The following SV2C variants were observed in gnomAD, a reference collection of about 807,000 sequenced individuals.
SV2C encodes the protein synaptic vesicle glycoprotein 2C.
A neutral mutation model predicts 79.7 loss-of-function variants in SV2C; 49 were observed. The ratio of observed to expected loss-of-function variants is 0.61; its 90% CI spans 0.49 to 0.78. The LOEUF is 0.78. Ranked by LOEUF, SV2C falls within the 30% of genes least tolerant of loss-of-function variation. SV2C has a pLI of 0.00. For synonymous variants in SV2C, 334 were observed against 333.2 expected, an observed-to-expected ratio of 1.00 and a Z score of -0.03; for missense variants, 833 against 912.9, an observed-to-expected ratio of 0.91 and a Z score of 1.13.
chr5:76,315,507 T>C (rs1452269358), intron 12 of SV2C, among the ~76,000 whole-genome samples: 1 of 152,148 alleles, frequency 6.6e-6, no homozygotes, highest in African/African-American at 2.4e-5. Flanking sequence ...GAGGTGGTGC[T>C]GAGTGACTAC....
the SV2C span, among the ~76,000 whole-genome samples, chr5:75,926,660 T>C: frequency 6.6e-6 from 1 of 152,122 alleles, no homozygotes; most frequent in South Asian, 2.1e-4. Flanking sequence ...TAACCAGATA[T>C]TGCTGACAAA....
chr5:75,881,610 G>T, the SV2C span, among the ~76,000 whole-genome samples: 7 of 151,996 alleles, frequency 4.6e-5, no homozygotes, highest in African/African-American at 7.2e-5. Context: ...TCTGTTGTTG[G>T]TGTATAAGAA....
intron 12 of SV2C, among the ~76,000 whole-genome samples, chr5:76,348,286 G>A (rs1749580369): frequency 6.6e-6 from 1 of 152,004 alleles, no homozygotes; most frequent in Admixed American, 6.6e-5. Flanking sequence ...TTTTAGCACT[G>A]AATAGCATTC....
chr5:76,157,369 A>G (rs995738120), intron 2 of SV2C, among the ~76,000 whole-genome samples: 1 of 152,072 alleles, frequency 6.6e-6, no homozygotes, highest in Non-Finnish European at 1.5e-5. Context: ...ACAAAAACAG[A>G]AATAATTTGT....
In SV2C at chr5:76,317,386, T is replaced by C. The variant is rs59692738; in HGVS notation, c.2001-7978T>C. Among the ~76,000 whole-genome samples, 1,491 of 152,140 alleles carry C rather than the reference T, an allele frequency of 9.8e-3. 29 individuals are homozygous for C. Among genetic ancestry groups the C allele is most frequent in the African/African-American group, 0.034 (1,411 of 41,464 alleles). ...TTCTACCAATTATTTAACTGAGTTG[T>C]CCAGAAAAAGCTTATTTCCAAAAAT... On this transcript the variant is annotated intron_variant, in intron 12 of 12. Transcript: ENST00000502798.
chr5:75,903,575 A>G, the SV2C span, among the ~76,000 whole-genome samples: 3 of 152,124 alleles, frequency 2.0e-5, no homozygotes, highest in Non-Finnish European at 4.4e-5. Context: ...CTGAAGCCTA[A>G]CTGTATTAAA....
At chr5:76,149,329 C>A (rs1360452853) in intron 2 of SV2C, among the ~76,000 whole-genome samples, 1 of 152,188 alleles carries the variant, frequency 6.6e-6, no homozygotes, top group Non-Finnish European at 1.5e-5. Flanking sequence ...CAGTGCCCCC[C>A]AGACATCATG....
chr5:76,286,772 CCTT>C (rs1008431039), intron 6 of SV2C: 1 of 152,170 alleles, frequency 6.6e-6, no homozygotes, highest in African/African-American at 2.4e-5. Context: ...GCAAACACGT[CCTT>C]CTTCACATGG....
chr5:76,007,459 G>A, the SV2C span, among the ~76,000 whole-genome samples: 1 of 151,988 alleles, frequency 6.6e-6, no homozygotes, highest in African/African-American at 2.4e-5. Context: ...TGAAATAATA[G>A]GTAAAAGTTT....
intron 1 of SV2C, among the ~76,000 whole-genome samples, chr5:76,108,624 C>T (rs936929085): frequency 2.0e-5 from 3 of 152,114 alleles, no homozygotes; most frequent in African/African-American, 7.2e-5. Flanking sequence ...CGTATTCCAT[C>T]GAGGCCAAAA....
chr5:76,344,431 GGGTGC>G, intron 12 of SV2C, among the ~76,000 whole-genome samples: 1 of 152,334 alleles, frequency 6.6e-6, no homozygotes, highest in East Asian at 1.9e-4. Context: ...ATTTTAGGCC[GGGTGC>G]GGTGGCTCAC....
intron 2 of SV2C, among the ~76,000 whole-genome samples, chr5:76,182,959 CAGAGAG>C (rs58651320): frequency 5.0e-5 from 7 of 141,246 alleles, no homozygotes; most frequent in Admixed American, 7.2e-5. Context: ...GAGAGAGAGA[CAGAGAG>C]AGAGAGAGAG....
At chr5:76,179,638 G>A (rs1259145126) in intron 2 of SV2C, among the ~76,000 whole-genome samples, 3 of 152,146 alleles carry the variant, frequency 2.0e-5, no homozygotes, top group Admixed American at 6.5e-5. Context: ...AGGAGCCCTC[G>A]TGTGATGCTT....
chr5:76,250,423 A>T (rs532168865), intron 4 of SV2C, among the ~76,000 whole-genome samples: 1 of 152,198 alleles, frequency 6.6e-6, no homozygotes, highest in South Asian at 2.1e-4. Flanking sequence ...TGTTGCTGTC[A>T]TTTCACGTTG....
rs931954368 is a variant in SV2C at position 76,168,269 on chromosome 5, C to T, written c.581-26650C>T. Among the ~76,000 whole-genome samples the T allele has an allele frequency of 1.6e-4, 24 of 152,104 alleles. 1 individual carries two copies. The highest frequency in any genetic ancestry group is 5.8e-4 in the African/African-American group (24 of 41,416). On this transcript the variant is annotated intron_variant, in intron 2 of 12. Transcript: ENST00000502798. ...TTCTGCCAGTGCAGCCTTCACTGGC[C>T]TTCCCCGACCTCTGGGACTGAACCC...
At chr5:76,112,472 A>G (rs540226235) in intron 1 of SV2C, among the ~76,000 whole-genome samples, 1 of 152,330 alleles carries the variant, frequency 6.6e-6, no homozygotes, top group East Asian at 1.9e-4. Flanking sequence ...GAGAGGAGGC[A>G]GGCGAGGCCT....
At chr5:76,160,586 C>T (rs13184915) in intron 2 of SV2C, among the ~76,000 whole-genome samples, 15,914 of 152,078 alleles carry the variant, frequency 0.1, 950 homozygotes, top group Non-Finnish European at 0.13. Flanking sequence ...CAAAGCACAC[C>T]GTCTAGAAAG....
chr5:76,147,066 A>C (rs1270709500), intron 2 of SV2C, among the ~76,000 whole-genome samples: 3 of 152,068 alleles, frequency 2.0e-5, no homozygotes, highest in Non-Finnish European at 4.4e-5. Flanking sequence ...GGAGAGGGGA[A>C]TGGGAAGGTA....
At chr5:75,904,369 AAAAACAAAAC>A in the SV2C span, among the ~76,000 whole-genome samples, 3 of 149,036 alleles carry the variant, frequency 2.0e-5, no homozygotes, top group Non-Finnish European at 2.9e-5. Context: ...CAGTCCTCAA[AAAAACAAAAC>A]AAAACAAAAC....
Sources: gnomAD v4.1 joint callset for allele counts (sites outside exome capture counted in the v4.1 genomes callset) on GRCh38, gnomAD v4.1.1 for gene constraint, MANE v1.5 for transcripts, NCBI Gene and HGNC (gene_info 2026-07-23, HGNC 2026-07-21) for gene names.